AKAP3: variants seen among roughly 807,000 people sequenced by gnomAD.
The protein encoded by AKAP3 is A-kinase anchor protein 3.
A neutral mutation model predicts 57.2 loss-of-function variants in AKAP3; 27 were observed. That is an observed-to-expected ratio of 0.47 (90% CI 0.35 to 0.65). AKAP3 has a LOEUF of 0.65. Among genes scored for constraint, AKAP3 ranks in the 30% least tolerant of loss-of-function variants. AKAP3 has a pLI of 0.01. For synonymous variants in AKAP3, 334 were observed against 392.3 expected (o/e 0.85, Z 1.76); for missense variants, 959 against 1,040.0 (o/e 0.92, Z 1.07).
rs764687145 is a variant in AKAP3, at chr12:4,626,633, C to A, written c.2269G>T (p.Val757Leu). ...QPPEGCAAPTVIVSNHNLTDT... is the reference protein window; with the variant it reads ...QPPEGCAAPTLIVSNHNLTDT... ...GTTAGGTTGTGATTGCTGACAATCA[C>A]CGTGGGTGCTGCACACCCTTCAGGG... Residue 757 changes from valine to leucine, a missense_variant, in exon 5 of 6, where the codon GTG (valine) becomes TTG (leucine). By Grantham distance (32) the Val-to-Leu change is conservative. Transcript: ENST00000228850. 6 of 1,614,208 alleles carry A rather than the reference C, an allele frequency of 3.7e-6. No homozygotes were observed. The East Asian group carries it at 1.3e-4, about 36-fold the overall frequency.
chr12:4,642,227 G>T (rs1228254651), intron 2 of AKAP3, among the ~76,000 whole-genome samples: 1 of 152,132 alleles, frequency 6.6e-6, no homozygotes, highest in Non-Finnish European at 1.5e-5. Context: ...TTTCTTAAAT[G>T]ACTATTGTTA....
At chr12:4,631,532 G>T in intron 4 of AKAP3, 1 of 573,498 alleles carries the variant, frequency 1.7e-6, no homozygotes, top group East Asian at 3.0e-5. Flanking sequence ...TTCCCCCAGA[G>T]AGTATTAATG....
chr12:4,627,336 G>A lies in AKAP3; in HGVS notation c.1566C>T (p.Ser522=). The change falls in exon 5 of 6, where the codon TCC becomes TCT. Residue 522 remains serine (S), a synonymous_variant. Transcript: ENST00000228850. ...CAGACACGATCAGGTCCTCGGCCCA[G>A]GAGTCTGAATCATACATAAAATTCT... The part of the protein sequence containing the change: ...KPENFMYDSD[S]WAEDLIVSAL... 1 of 1,614,104 alleles carries A rather than the reference G, an allele frequency of 6.2e-7. No homozygotes were observed. The highest frequency in any genetic ancestry group is 1.1e-5 in the South Asian group (1 of 91,068).
At position 4,630,925 on chromosome 12, in the gene AKAP3, T is replaced by C. The variant is rs997090945; in HGVS notation, c.97-2120A>G. Reference sequence around the variant, plus strand: ...TCTTTAACAGATATTCATTTTTATATATGTATGGGAGTCATTATTTTGCCC... The same window carrying C: ...TCTTTAACAGATATTCATTTTTATACATGTATGGGAGTCATTATTTTGCCC... On this transcript the variant is annotated intron_variant, in intron 4 of 5. Transcript: ENST00000228850. 3.9e-5 allele frequency among the ~76,000 whole-genome samples: 6 copies of C among 152,294 alleles called. No homozygotes were observed. The East Asian group carries it at 7.7e-4, about 20-fold the overall frequency.
chr12:4,626,642 C>A lies in AKAP3; in HGVS notation c.2260G>T (p.Ala754Ser). The A allele has an allele frequency of 4.3e-6, 7 of 1,614,240 alleles. No individual in the cohort carries two copies. Among genetic ancestry groups the A allele is most frequent in the Non-Finnish European group, 5.9e-6 (7 of 1,180,040 alleles). Reference protein sequence around the residue: ...TSGQPPEGCAAPTVIVSNHNL... With the variant: ...TSGQPPEGCASPTVIVSNHNL... ...TGATTGCTGACAATCACCGTGGGTGCTGCACACCCTTCAGGGGGCTGTCCT... is the reference window on the plus strand; with the variant it reads ...TGATTGCTGACAATCACCGTGGGTGATGCACACCCTTCAGGGGGCTGTCCT... Residue 754 changes from alanine (A) to serine (S), a missense_variant, in exon 5 of 6, where the codon GCA becomes TCA. Ala to Ser is a moderately conservative substitution (Grantham distance 99, BLOSUM62 1). Transcript: ENST00000228850.
At chr12:4,644,265 C>T (rs1214196764) in intron 2 of AKAP3, among the ~76,000 whole-genome samples, 1 of 152,150 alleles carries the variant, frequency 6.6e-6, no homozygotes, top group Non-Finnish European at 1.5e-5. Flanking sequence ...CCTGCCCTTT[C>T]CCAGTTCTGT....
chr12:4,627,702 C>T lies in AKAP3; in HGVS notation c.1200G>A (p.Lys400=). 6.2e-7 allele frequency: 1 copy of T among 1,614,108 alleles called. No individual in the cohort carries two copies. The highest frequency in any genetic ancestry group is 8.5e-7 in the Non-Finnish European group (1 of 1,180,032). The change falls in exon 5 of 6, where the codon AAG becomes AAA. Residue 400 remains lysine (K), a synonymous_variant. Transcript: ENST00000228850. ...TGGAGATGAGGGAATAACTCTCAGCCTTGTCTTGGGCTTTCCTGACATGCT... is the reference window on the plus strand; with the variant it reads ...TGGAGATGAGGGAATAACTCTCAGCTTTGTCTTGGGCTTTCCTGACATGCT... ...VPEHVRKAQD[K]AESYSLISMK...
chr12:4,638,184 C>T lies in AKAP3; in HGVS notation c.13G>A (p.Val5Ile). 6.2e-7 allele frequency: 1 copy of T among 1,609,988 alleles called. No individual in the cohort carries two copies. Among genetic ancestry groups the T allele is most frequent in the Non-Finnish European group, 8.5e-7 (1 of 1,178,156 alleles). Residue 5 changes from valine (V) to isoleucine (I), a missense_variant, in exon 4 of 6, where the codon GTT (valine) becomes ATT (isoleucine). Coordinates refer to ENST00000228850, the MANE Select transcript of AKAP3 (RefSeq NM_001278309.2). ...CCATTTTGGCTTTGTAACCAGTCAA[C>T]CTTTTCTGACATCTGGAAGCAGGGG... Reference protein sequence around the residue: MSEKVDWLQSQNGVC... With the variant: MSEKIDWLQSQNGVC...
chr12:4,631,243 T>C (rs1945493817), intron 4 of AKAP3: 1 of 647,722 alleles, frequency 1.5e-6, no homozygotes, highest in Admixed American at 2.6e-5. Context: ...TATGGATTAA[T>C]GATTTATAGA....
At chr12:4,626,370 C>A (rs1591818949) in intron 5 of AKAP3, 126 bp downstream of exon 5, 3 of 1,207,640 alleles carry the variant, frequency 2.5e-6, no homozygotes, top group African/African-American at 1.5e-5. Context: ...GAGGCATGAT[C>A]TTCAAATCCC....
chr12:4,618,575 C>G (rs1945312444), intron 5 of AKAP3, among the ~76,000 whole-genome samples: 1 of 152,234 alleles, frequency 6.6e-6, no homozygotes, highest in Admixed American at 6.5e-5. Context: ...GTTCTCAGCA[C>G]TCCTGGCCTT....
intron 2 of AKAP3, among the ~76,000 whole-genome samples, chr12:4,642,692 T>C (rs7132398): frequency 0.98 from 149,370 of 152,334 alleles, 73,308 homozygotes; most frequent in Middle Eastern, 1. Context: ...TTTGTTTCAA[T>C]GTGTACATTC....
At chr12:4,624,733 T>C (rs1028017820) in intron 5 of AKAP3, among the ~76,000 whole-genome samples, 13 of 148,356 alleles carry the variant, frequency 8.8e-5, no homozygotes, top group African/African-American at 1.5e-4. Flanking sequence ...AGTTTGAACA[T>C]GCTGCTTCTC....
In AKAP3 at chr12:4,628,754, C is replaced by G; in HGVS notation, c.148G>C (p.Glu50Gln). 7 of 1,613,970 alleles carry G rather than the reference C, an allele frequency of 4.3e-6. No individual in the cohort carries two copies. Among genetic ancestry groups the G allele is most frequent in the Non-Finnish European group, 5.9e-6 (7 of 1,179,846 alleles). ...RVLSWLRRDLEKSTAEFQDVR... is the reference protein window; with the variant it reads ...RVLSWLRRDLQKSTAEFQDVR... ...TCTTGGAACTCTGCTGTACTCTTCT[C>G]CAGGTCTCTGCGGAGCCAGCTGAGC... Residue 50 changes from glutamate (E) to glutamine (Q), a missense_variant, in exon 5 of 6, where the codon GAG becomes CAG. Physicochemically the swap from Glu to Gln is conservative, Grantham distance 29. Transcript: ENST00000228850.
chr12:4,634,538 A>C (rs191629743), intron 4 of AKAP3, among the ~76,000 whole-genome samples: 11 of 152,330 alleles, frequency 7.2e-5, no homozygotes, highest in African/African-American at 2.6e-4. Flanking sequence ...AGCGAACAAA[A>C]GTCCCCTCCC....
Position 4,628,816 on chromosome 12 carries a change from G to A in AKAP3, c.97-11C>T, listed in dbSNP as rs750157172. On this transcript the variant is annotated splice_polypyrimidine_tract_variant and intron_variant, in intron 4 of 5. Coordinates refer to ENST00000228850, the MANE Select transcript of AKAP3 (RefSeq NM_001278309.2). Reference sequence around the variant, plus strand: ...ATCCGTGGAGGTGTCCTTAAAAATAGACAAGGATTCATCTGACTATAACAA... The same window carrying A: ...ATCCGTGGAGGTGTCCTTAAAAATAAACAAGGATTCATCTGACTATAACAA... The A allele has an allele frequency of 2.3e-5, 36 of 1,592,368 alleles. No individual in the cohort carries two copies. The African/African-American group carries it at 2.8e-4, about 13-fold the overall frequency.
chr12:4,635,852 A>T, intron 4 of AKAP3: 1 of 665,160 alleles, frequency 1.5e-6, no homozygotes, highest in Non-Finnish European at 2.7e-6. Context: ...ACTTTAATTT[A>T]TCCAAAACGT....
In AKAP3 at chr12:4,638,157, C is replaced by G. The variant is rs376639794; in HGVS notation, c.40G>C (p.Val14Leu). The change falls in exon 4 of 6, where the codon GTA (valine) becomes CTA (leucine). Residue 14 changes from valine to leucine, a missense_variant. Transcript: ENST00000228850. ...GGAGAATAGACATCAACTTTGCATA[C>G]TCCATTTTGGCTTTGTAACCAGTCA... ...KVDWLQSQNG[V>L]CKVDVYSPGD... 8.7e-6 allele frequency: 14 copies of G among 1,613,018 alleles called. 1 individual carries two copies. The highest frequency in any genetic ancestry group is 1.2e-5 in the Non-Finnish European group (14 of 1,179,740).
At chr12:4,638,028 G>C in intron 4 of AKAP3, 73 bp downstream of exon 4, 2 of 1,247,334 alleles carry the variant, frequency 1.6e-6, no homozygotes, top group East Asian at 2.3e-5. Flanking sequence ...TGGTATGGTG[G>C]AGAGAATAAG....
Sources: gnomAD v4.1 joint callset for allele counts (sites outside exome capture counted in the v4.1 genomes callset) on GRCh38, gnomAD v4.1.1 for gene constraint, MANE v1.5 for transcripts, NCBI Gene and HGNC (gene_info 2026-07-23, HGNC 2026-07-21) for gene names.